Variants in SPATA17 observed in about 807,000 individuals in gnomAD.
The protein encoded by SPATA17 is spermatogenesis associated 17.
Under a neutral mutation model 62.2 loss-of-function variants are expected in SPATA17, and 53 were observed. That is an observed-to-expected ratio of 0.85 (90% CI 0.68 to 1.07). The LOEUF (loss-of-function observed/expected upper bound fraction) is 1.07. Ranked by LOEUF, SPATA17 falls within the 50% of genes least tolerant of loss-of-function variation. The pLI is 0.00. For missense variants in SPATA17, 466 were observed against 425.5 expected, an observed-to-expected ratio of 1.10 and a Z score of -0.84; for synonymous variants, 146 against 146.8, an observed-to-expected ratio of 0.99 and a Z score of 0.04.
At chr1:217,766,032 T>A (rs980925670) in intron 6 of SPATA17, among the ~76,000 whole-genome samples, 1 of 152,010 alleles carries the variant, frequency 6.6e-6, no homozygotes, top group Non-Finnish European at 1.5e-5. Context: ...CCCTTTACTT[T>A]TAATCTATAT....
At chr1:217,781,930 G>A (rs1331542471) in intron 7 of SPATA17, among the ~76,000 whole-genome samples, 1 of 152,106 alleles carries the variant, frequency 6.6e-6, no homozygotes, top group Non-Finnish European at 1.5e-5. Context: ...ATCTTTTGAT[G>A]TAAGTGGGGA....
intron 6 of SPATA17, among the ~76,000 whole-genome samples, chr1:217,746,200 G>A (rs571363458): frequency 4.6e-5 from 7 of 152,018 alleles, no homozygotes; most frequent in South Asian, 2.1e-4. Flanking sequence ...CAATTTTAAC[G>A]TTCAATGCTT....
intron 5 of SPATA17, among the ~76,000 whole-genome samples, chr1:217,738,356 G>C (rs929420049): frequency 2.6e-5 from 4 of 152,112 alleles, no homozygotes; most frequent in African/African-American, 9.7e-5. Context: ...AGAGAGAAAG[G>C]AGGAGACCAC....
chr1:217,679,335 C>T (rs72728806), intron 4 of SPATA17, among the ~76,000 whole-genome samples: 8,378 of 152,192 alleles, frequency 0.055, 271 homozygotes, highest in Middle Eastern at 0.088. Context: ...GAGCAAATTA[C>T]TTAACCTCAG....
Position 217,751,704 on chromosome 1 carries a change from G to A in SPATA17, c.519+9606G>A, listed in dbSNP as rs115871684. ...AAAAAATCTTGTTGTGTTTTCAAAT[G>A]AATTCCTTTTCTGCTCTTCTCCTCT... On this transcript the variant is annotated intron_variant, in intron 6 of 10. Coordinates refer to ENST00000366933, the MANE Select transcript of SPATA17 (RefSeq NM_138796.4). Among the ~76,000 whole-genome samples, 1,044 of 152,228 alleles carry A rather than the reference G, an allele frequency of 6.9e-3. 12 individuals carry two copies. Among genetic ancestry groups the A allele is most frequent in the African/African-American group, 0.023 (959 of 41,536 alleles).
At chr1:217,708,397 C>T (rs113012518) in intron 5 of SPATA17, among the ~76,000 whole-genome samples, 3,314 of 152,122 alleles carry the variant, frequency 0.022, 46 homozygotes, top group Middle Eastern at 0.044. Context: ...CACAGAAATA[C>T]AGAAAACCCA....
At chr1:217,764,946 A>T (rs1436108830) in intron 6 of SPATA17, among the ~76,000 whole-genome samples, 1 of 152,108 alleles carries the variant, frequency 6.6e-6, no homozygotes, top group Non-Finnish European at 1.5e-5. Context: ...ATGACAGGAG[A>T]CATCCTTGCC....
chr1:217,839,930 A>G (rs1510257), intron 9 of SPATA17, among the ~76,000 whole-genome samples: 44,657 of 151,982 alleles, frequency 0.29, 6,841 homozygotes, highest in African/African-American at 0.36. Flanking sequence ...AAGTTTATCT[A>G]TAGATTTCCA....
chr1:217,792,931 A>G (rs1674033987), intron 8 of SPATA17, among the ~76,000 whole-genome samples: 1 of 152,264 alleles, frequency 6.6e-6, no homozygotes, highest in East Asian at 1.9e-4. Flanking sequence ...AAAAATATAT[A>G]AGAAGCATTG....
intron 8 of SPATA17, among the ~76,000 whole-genome samples, chr1:217,795,808 A>C (rs1036566651): frequency 3.3e-5 from 5 of 150,360 alleles, no homozygotes; most frequent in Admixed American, 2.6e-4. Flanking sequence ...TTATTTATTT[A>C]TTTATTTTGA....
intron 1 of SPATA17, among the ~76,000 whole-genome samples, chr1:217,638,277 C>T (rs1165960935): frequency 6.6e-6 from 1 of 151,706 alleles, no homozygotes; most frequent in Non-Finnish European, 1.5e-5. Flanking sequence ...AGATAAAGTT[C>T]TGCAGTGTTT....
At chr1:217,787,102 C>T (rs1673890483) in intron 8 of SPATA17, among the ~76,000 whole-genome samples, 1 of 151,976 alleles carries the variant, frequency 6.6e-6, no homozygotes, top group African/African-American at 2.4e-5. Context: ...GTCCTCAAGT[C>T]CTGTTTATTC....
At chr1:217,819,178 GA>G (rs1348813917) in intron 9 of SPATA17, among the ~76,000 whole-genome samples, 7 of 150,370 alleles carry the variant, frequency 4.7e-5, no homozygotes, top group African/African-American at 1.7e-4. Context: ...TTCTCACTTT[GA>G]TTTTTTTTTT....
intron 9 of SPATA17, among the ~76,000 whole-genome samples, chr1:217,816,488 T>C (rs1023343979): frequency 1.3e-5 from 2 of 151,790 alleles, no homozygotes; most frequent in African/African-American, 4.8e-5. Flanking sequence ...TATCTTTTAC[T>C]TTATAATCTT....
At chr1:217,849,221 C>T (rs1330355249) in intron 9 of SPATA17, among the ~76,000 whole-genome samples, 1 of 152,088 alleles carries the variant, frequency 6.6e-6, no homozygotes, top group Non-Finnish European at 1.5e-5. Flanking sequence ...AAATAAGGCA[C>T]AGAAATGTTA....
intron 9 of SPATA17, among the ~76,000 whole-genome samples, chr1:217,836,910 T>G (rs977688041): frequency 6.6e-6 from 1 of 152,180 alleles, no homozygotes; most frequent in African/African-American, 2.4e-5. Context: ...CTAAGATGAA[T>G]TATTCAACAA....
intron 2 of SPATA17, among the ~76,000 whole-genome samples, chr1:217,650,550 A>G (rs1670285972): frequency 6.6e-6 from 1 of 151,970 alleles, no homozygotes; most frequent in African/African-American, 2.4e-5. Context: ...CAGAATAGCC[A>G]GGACTACAGG....
At chr1:217,782,960 A>G (rs955859656) in intron 8 of SPATA17, among the ~76,000 whole-genome samples, 2 of 151,728 alleles carry the variant, frequency 1.3e-5, no homozygotes, top group South Asian at 2.1e-4. Flanking sequence ...AAATGGCTTT[A>G]TTTTTATGAT....
chr1:217,816,930 A>G (rs964257923), intron 9 of SPATA17, among the ~76,000 whole-genome samples: 4 of 152,112 alleles, frequency 2.6e-5, no homozygotes, highest in Non-Finnish European at 5.9e-5. Flanking sequence ...TATTGATCAA[A>G]TAAATCTATT....
Sources: gnomAD v4.1 joint callset for allele counts (sites outside exome capture counted in the v4.1 genomes callset) on GRCh38, gnomAD v4.1.1 for gene constraint, MANE v1.5 for transcripts, NCBI Gene and HGNC (gene_info 2026-07-23, HGNC 2026-07-21) for gene names.